The following MAPK8IP2 variants were observed in gnomAD, a reference collection of about 807,000 sequenced individuals.
MAPK8IP2 encodes mitogen-activated protein kinase 8 interacting protein 2.
A neutral mutation model predicts 75.6 loss-of-function variants in MAPK8IP2; 15 were observed. The observed-to-expected ratio is 0.20, with a 90% CI of 0.13 to 0.31. The LOEUF is 0.31. Among genes scored for constraint, MAPK8IP2 ranks in the 10% least tolerant of loss-of-function variants. MAPK8IP2 has a pLI of 1.00. For synonymous variants in MAPK8IP2, 632 were observed against 554.5 expected, an observed-to-expected ratio of 1.14 and a Z score of -1.96; for missense variants, 1,089 against 1,211.2, an observed-to-expected ratio of 0.90 and a Z score of 1.50.
chr22:50,610,963 G>C lies in MAPK8IP2; in HGVS notation c.*184G>C, dbSNP rs1366366875. 1.8e-6 allele frequency: 1 copy of C among 567,822 alleles called. No individual in the cohort carries two copies. Among genetic ancestry groups the C allele is most frequent in the Non-Finnish European group, 3.1e-6 (1 of 318,680 alleles). The allele number at this position is 567,822 out of a possible 1,614,324, so 35.2% of individuals were successfully genotyped here. A position where few individuals can be genotyped will look rare whatever the true frequency, so the allele number is the denominator to read the frequency against. ...CCAGGGCGCAGCTGTTGGGGCTGCG[G>C]GGGAGTGGAGCCCCCGTGCCCCTGC... On this transcript the variant is annotated 3_prime_UTR_variant, in exon 12 of 12. Coordinates refer to ENST00000329492, the MANE Select transcript of MAPK8IP2 (RefSeq NM_012324.6). This position sits in a 1 kb window ranked among gnomAD's most constrained non-coding sequence, Gnocchi z 4.3.
Position 50,603,303 on chromosome 22 carries a change from C to A in MAPK8IP2, c.252C>A (p.Ile84=). The change falls in exon 3 of 12, where the codon ATC becomes ATA. Residue 84 remains isoleucine (I), a synonymous_variant. Transcript: ENST00000329492. ...FQDDFQEFEM[I]DDNEEEDDED... is the part of the protein sequence containing the mutation. ...ATGACTTCCAGGAGTTTGAGATGAT[C>A]GATGACAATGAAGAGGAGGACGATG... 1 of 1,572,456 alleles carries A rather than the reference C, an allele frequency of 6.4e-7. No individual in the cohort carries two copies. Among genetic ancestry groups the A allele is most frequent in the East Asian group, 2.3e-5 (1 of 42,798 alleles).
Position 50,610,306 on chromosome 22 carries a change from G to A in MAPK8IP2, c.2398G>A (p.Val800Met). The change falls in exon 11 of 12, where the codon GTG (valine) becomes ATG (methionine). Residue 800 changes from valine (V) to methionine (M), a missense_variant. Transcript: ENST00000329492. The surrounding 1 kb of genome is among the most constrained non-coding windows in gnomAD (Gnocchi z 4.3). Reference protein sequence around the residue: ...QESMRPVAQSVGRAFLEYYQE... With the variant: ...QESMRPVAQSMGRAFLEYYQE... The stretch of plus-strand genomic sequence containing the variant: ...GTCCATGAGGCCGGTGGCGCAGAGT[G>A]TGGGGTGAGTGGGGCCCCAGGGTGT... The A allele has an allele frequency of 2.5e-6, 4 of 1,599,082 alleles. No individual in the cohort carries two copies. Among genetic ancestry groups the A allele is most frequent in the Non-Finnish European group, 3.4e-6 (4 of 1,172,832 alleles).
At chr22:50,603,141 C>G (rs10439940) in intron 2 of MAPK8IP2, 82 bp from the exon 3 acceptor site, 71,445 of 1,605,280 alleles carry the variant, frequency 0.045, 2,404 homozygotes, top group African/African-American at 0.16. Context: ...TGATGCTCCC[C>G]GATTTCCCTT....
rs936411465 is a variant in MAPK8IP2, at chr22:50,610,678, G to A, written c.2403-29G>A. 1 of 1,580,252 alleles carries A rather than the reference G, an allele frequency of 6.3e-7. No individual in the cohort carries two copies. On this transcript the variant is annotated intron_variant, in intron 11 of 11. Transcript: ENST00000329492. The surrounding 1 kb of genome is among the most constrained non-coding windows in gnomAD (Gnocchi z 4.3). ...TTTGGGGGTTGAGGACCGGCCCTGA[G>A]TGGCTGGTGGAGGACCGTCTTTCCC...
Position 50,610,239 on chromosome 22 carries a change from C to T in MAPK8IP2, c.2331C>T (p.Pro777=), listed in dbSNP as rs765732339. 3.7e-6 allele frequency: 6 copies of T among 1,602,848 alleles called. No individual in the cohort carries two copies. Among genetic ancestry groups the T allele is most frequent in the Non-Finnish European group, 5.1e-6 (6 of 1,175,278 alleles). Residue 777 remains proline (P), a synonymous_variant, in exon 11 of 12, where the codon CCC becomes CCT. Coordinates refer to ENST00000329492, the MANE Select transcript of MAPK8IP2 (RefSeq NM_012324.6). The surrounding 1 kb of genome is among the most constrained non-coding windows in gnomAD (Gnocchi z 4.3). The part of the protein sequence containing the change: ...SCYFGFITKH[P]LLSRFACHVF... ...ATTTCGGCTTCATCACCAAACACCCCCTGCTGAGCCGCTTCGCCTGCCACG... is the reference window on the plus strand; with the variant it reads ...ATTTCGGCTTCATCACCAAACACCCTCTGCTGAGCCGCTTCGCCTGCCACG...
At chr22:50,608,368 T>G (rs2071085814) in intron 10 of MAPK8IP2, among the ~76,000 whole-genome samples, 1 of 124,232 alleles carries the variant, frequency 8.0e-6, no homozygotes, top group Non-Finnish European at 1.7e-5. Flanking sequence ...AGCTCTGGGG[T>G]GGAAAGGTGG....
At position 50,604,020 on chromosome 22, in the gene MAPK8IP2, G is replaced by C; in HGVS notation, c.721G>C (p.Gly241Arg). The C allele has an allele frequency of 6.4e-7, 1 of 1,553,036 alleles. No individual in the cohort carries two copies. Residue 241 changes from glycine (G) to arginine (R), a missense_variant, in exon 5 of 12, where the codon GGG becomes CGG. By Grantham distance (125) the Gly-to-Arg change is moderately radical. Coordinates refer to ENST00000329492, the MANE Select transcript of MAPK8IP2 (RefSeq NM_012324.6). ...DLRSRSSGGR[G>R]GRRSSQELSS... is the part of the protein sequence containing the mutation. Reference sequence around the variant, plus strand: ...GAGAAGCCGCTCGAGCGGCGGCCGCGGGGGACGTCGCAGCAGCCAGGAGCT... The same window carrying C: ...GAGAAGCCGCTCGAGCGGCGGCCGCCGGGGACGTCGCAGCAGCCAGGAGCT...
At chr22:50,608,168 T>A (rs921765032) in intron 10 of MAPK8IP2, among the ~76,000 whole-genome samples, 3 of 151,340 alleles carry the variant, frequency 2.0e-5, no homozygotes, top group African/African-American at 7.3e-5. Context: ...TGCTGCCTGC[T>A]GGAAGGTGCG....
chr22:50,604,767 G>C lies in MAPK8IP2; in HGVS notation c.1468G>C (p.Gly490Arg), dbSNP rs577269025. ...TGCCGAGGACAGTGCGGGGTCCCCC[G>C]GGGGCAGGGGCACGGGCCCCTCGGC... ...EDAEDSAGSP[G>R]GRGTGPSAPR... Residue 490 changes from glycine to arginine, a missense_variant, in exon 5 of 12, where the codon GGG becomes CGG. Coordinates refer to ENST00000329492, the MANE Select transcript of MAPK8IP2 (RefSeq NM_012324.6). 1.3e-6 allele frequency: 2 copies of C among 1,543,890 alleles called. No homozygotes were observed. The highest frequency in any genetic ancestry group is 1.7e-6 in the Non-Finnish European group (2 of 1,145,358).
In MAPK8IP2 at chr22:50,604,120, C is replaced by T. The variant is rs776493984; in HGVS notation, c.821C>T (p.Thr274Met). The change falls in exon 5 of 12, where the codon ACG (threonine) becomes ATG (methionine). Residue 274 changes from threonine (T) to methionine (M), a missense_variant. Around this residue, in one of 2 missense-constraint regions of MAPK8IP2, gnomAD observed 960 missense variants for 1,009.6 expected, o/e 0.95. Coordinates refer to ENST00000329492, the MANE Select transcript of MAPK8IP2 (RefSeq NM_012324.6). ...LGRMISSISE[T>M]ELELSSDGGS... Reference sequence around the variant, plus strand: ...CGCATGATCTCGTCCATCTCGGAGACGGAGCTGGAGCTGAGCAGCGATGGC... The same window carrying T: ...CGCATGATCTCGTCCATCTCGGAGATGGAGCTGGAGCTGAGCAGCGATGGC... 5.8e-6 allele frequency: 9 copies of T among 1,554,344 alleles called. No homozygotes were observed. Among genetic ancestry groups the T allele is most frequent in the South Asian group, 1.2e-5 (1 of 85,334 alleles).
In MAPK8IP2 at chr22:50,603,246, G is replaced by A. The variant is rs747555160; in HGVS notation, c.195G>A (p.Ser65=). ...CEKDSLSLGR[S]EQPHPICSFQ... is the part of the protein sequence containing the mutation. ...AGGACAGCCTCTCCCTGGGGCGCTC[G>A]GAGCAGCCGCACCCCATCTGCTCCT... Residue 65 remains serine, a synonymous_variant, in exon 3 of 12, where the codon TCG becomes TCA. Coordinates refer to ENST00000329492, the MANE Select transcript of MAPK8IP2 (RefSeq NM_012324.6). The A allele has an allele frequency of 5.0e-6, 8 of 1,606,650 alleles. No individual in the cohort carries two copies. Among genetic ancestry groups the A allele is most frequent in the Admixed American group, 1.7e-5 (1 of 59,394 alleles).
rs1426321380 is a variant in MAPK8IP2, at chr22:50,603,390, C to A, written c.339C>A (p.Asp113Glu). 3 of 1,556,028 alleles carry A rather than the reference C, an allele frequency of 1.9e-6. No homozygotes were observed. The highest frequency in any genetic ancestry group is 1.9e-5 in the Admixed American group (1 of 52,170). ...EGDGEGQEGGDPGSEAPAPGP... is the reference protein window; with the variant it reads ...EGDGEGQEGGEPGSEAPAPGP... ...ATGGGGAAGGCCAGGAGGGAGGAGA[C>A]CCTGGCTCAGAGGCACCTGCCCCCG... The change falls in exon 3 of 12, where the codon GAC becomes GAA. Residue 113 changes from aspartate (D) to glutamate (E), a missense_variant. Around this residue, in one of 2 missense-constraint regions of MAPK8IP2, gnomAD observed 960 missense variants for 1,009.6 expected, o/e 0.95. Transcript: ENST00000329492.
chr22:50,610,758 G>T lies in MAPK8IP2; in HGVS notation c.2454G>T (p.Thr818=). ...AGCACCTGGCGTACGCCTGCCCCAC[G>T]GAGGACATCTACCTGGAGTAGCCTG... ...YQEHLAYACP[T]EDIYLE Residue 818 remains threonine, a synonymous_variant, in exon 12 of 12, where the codon ACG becomes ACT. Transcript: ENST00000329492. This position sits in a 1 kb window ranked among gnomAD's most constrained non-coding sequence, Gnocchi z 4.3. 1 of 1,610,810 alleles carries T rather than the reference G, an allele frequency of 6.2e-7. No individual in the cohort carries two copies.
rs375491622 is a variant in MAPK8IP2 at position 50,605,848 on chromosome 22, G to A, written c.2038G>A (p.Val680Met). The change falls in exon 8 of 12, where the codon GTG becomes ATG. Residue 680 changes from valine (V) to methionine (M), a missense_variant. Around this residue, in one of 2 missense-constraint regions of MAPK8IP2, gnomAD observed 960 missense variants for 1,009.6 expected, o/e 0.95. Transcript: ENST00000329492. ...AGGGAGTAAGCGGAGCCCCTGCTGG[G>A]TGGAGCGCTTTGACGTGCAGTTCCT... is the stretch of plus-strand genomic sequence containing the variant. ...LLGSKRSPCW[V>M]ERFDVQFLGS... 1 of 1,587,712 alleles carries A rather than the reference G, an allele frequency of 6.3e-7. No individual in the cohort carries two copies.
chr22:50,604,914 G>A lies in MAPK8IP2; in HGVS notation c.1615G>A (p.Asp539Asn), dbSNP rs1333613148. ...TGGGCTGGGCCACGACAGCGAAGAGGACAGCGGCGGGGAGGCCAGCGAGGA... is the reference window on the plus strand; with the variant it reads ...TGGGCTGGGCCACGACAGCGAAGAGAACAGCGGCGGGGAGGCCAGCGAGGA... ...CAGLGHDSEE[D>N]SGGEASEEEA... is the part of the protein sequence containing the mutation. Residue 539 changes from aspartate (D) to asparagine (N), a missense_variant, in exon 5 of 12, where the codon GAC (aspartate) becomes AAC (asparagine). Physicochemically the swap from Asp to Asn is conservative, Grantham distance 23. Transcript: ENST00000329492. 1 of 1,610,248 alleles carries A rather than the reference G, an allele frequency of 6.2e-7. No homozygotes were observed. Among genetic ancestry groups the A allele is most frequent in the Non-Finnish European group, 8.5e-7 (1 of 1,178,962 alleles).
In MAPK8IP2 at chr22:50,610,572, C is replaced by T. The variant is rs2071131499; in HGVS notation, c.2403-135C>T. The T allele has an allele frequency of 6.6e-6, 5 of 752,864 alleles. No individual in the cohort carries two copies. In the South Asian group the frequency reaches 8.3e-5, roughly 12 times the overall value. 46.6% of individuals were successfully genotyped at this position (752,864 alleles called of 1,614,324 possible). A position where few individuals can be genotyped will look rare whatever the true frequency, so the allele number is the denominator to read the frequency against. ...AGCTGAGGGTCACACTTGGGGGTGA[C>T]ATGGCCATGCCTGGGTGGGGGGTTA... is the stretch of plus-strand genomic sequence containing the variant. On this transcript the variant is annotated intron_variant, in intron 11 of 11. Coordinates refer to ENST00000329492, the MANE Select transcript of MAPK8IP2 (RefSeq NM_012324.6). This position sits in a 1 kb window ranked among gnomAD's most constrained non-coding sequence, Gnocchi z 4.3.
intron 3 of MAPK8IP2, 46 bp downstream of exon 3, chr22:50,603,544 T>C (rs772253423): frequency 1.6e-5 from 25 of 1,576,576 alleles, no homozygotes; most frequent in Admixed American, 5.3e-5. Flanking sequence ...CCTGGGTTCA[T>C]AGCACCTGGG....
At position 50,610,956 on chromosome 22, in the gene MAPK8IP2, G is replaced by A; in HGVS notation, c.*177G>A. The A allele has an allele frequency of 7.0e-6, 4 of 574,364 alleles. No individual in the cohort carries two copies. The highest frequency in any genetic ancestry group is 6.6e-5 in the South Asian group (3 of 45,344). The allele number at this position is 574,364 out of a possible 1,614,324, so 35.6% of individuals were successfully genotyped here. A position where few individuals can be genotyped will look rare whatever the true frequency, so the allele number is the denominator to read the frequency against. ...TCGGTCCCCAGGGCGCAGCTGTTGG[G>A]GCTGCGGGGGAGTGGAGCCCCCGTG... On this transcript the variant is annotated 3_prime_UTR_variant, in exon 12 of 12. Transcript: ENST00000329492. The surrounding 1 kb of genome is among the most constrained non-coding windows in gnomAD (Gnocchi z 4.3).
chr22:50,610,076 T>C lies in MAPK8IP2; in HGVS notation c.2304-136T>C, dbSNP rs1029337228. 1.5e-5 allele frequency: 11 copies of C among 733,298 alleles called. No homozygotes were observed. In the Admixed American group the frequency reaches 1.8e-4, roughly 12 times the overall value. 45.4% of individuals were successfully genotyped at this position (733,298 alleles called of 1,614,324 possible). ...AAAAAGACAACTTCAGATCTTGAAATTGTGCGACCCCCACACTCCTGTCCC... is the reference window on the plus strand; with the variant it reads ...AAAAAGACAACTTCAGATCTTGAAACTGTGCGACCCCCACACTCCTGTCCC... On this transcript the variant is annotated intron_variant, in intron 10 of 11. Coordinates refer to ENST00000329492, the MANE Select transcript of MAPK8IP2 (RefSeq NM_012324.6). The surrounding 1 kb of genome is among the most constrained non-coding windows in gnomAD (Gnocchi z 4.3).
Sources: gnomAD v4.1 joint callset for allele counts (sites outside exome capture counted in the v4.1 genomes callset) on GRCh38, gnomAD v4.1.1 for gene constraint, gnomAD v4.1.1 regional missense constraint, Gnocchi (gnomAD v3.1) non-coding constraint, MANE v1.5 for transcripts, NCBI Gene and HGNC (gene_info 2026-07-23, HGNC 2026-07-21) for gene names.